Variants in ZMYM6 observed in about 807,000 individuals in gnomAD.
ZMYM6 encodes zinc finger MYM-type containing 6.
Under a neutral mutation model 134.0 loss-of-function variants are expected in ZMYM6, and 90 were observed. The observed-to-expected ratio is 0.67, with a 90% CI of 0.57 to 0.80. The LOEUF is 0.80. Ranked by LOEUF, ZMYM6 falls within the 30% of genes least tolerant of loss-of-function variation. The probability of loss-of-function intolerance (pLI) is 0.00; values close to 1 mark genes in which losing one functional copy is unlikely to be tolerated. For synonymous variants in ZMYM6, 481 were observed against 524.1 expected (o/e 0.92, Z 1.12); for missense variants, 1,362 against 1,533.9 (o/e 0.89, Z 1.87).
At chr1:35,028,381 T>G (rs1489901934) in intron 2 of ZMYM6, among the ~76,000 whole-genome samples, 2 of 152,148 alleles carry the variant, frequency 1.3e-5, no homozygotes, top group Non-Finnish European at 2.9e-5. Context: ...TTTTTTATTA[T>G]TTTAAAATAT....
chr1:34,987,896 C>T lies in ZMYM6; in HGVS notation c.3186G>A (p.Val1062=). The change falls in exon 16 of 16, where the codon GTG becomes GTA. Residue 1062 remains valine (V), a synonymous_variant. Transcript: ENST00000357182. ...GTACTTCAGCATGAAGCGGTAAACT[C>T]ACATGCTCAGATCCCATCTCTTCAC... is the stretch of plus-strand genomic sequence containing the variant. ...ILCEEMGSEH[V]SLPLHAEVRW... The T allele has an allele frequency of 1.9e-6, 3 of 1,551,676 alleles. No homozygotes were observed. Among genetic ancestry groups the T allele is most frequent in the Non-Finnish European group, 2.6e-6 (3 of 1,146,974 alleles).
Position 34,988,263 on chromosome 1 carries a change from T to A in ZMYM6, c.2819A>T (p.Glu940Val). The change falls in exon 16 of 16, where the codon GAA becomes GTA. Residue 940 changes from glutamate to valine, a missense_variant. Around this residue, in one of 3 missense-constraint regions of ZMYM6, gnomAD observed 824 missense variants for 940.9 expected, o/e 0.88. Coordinates refer to ENST00000357182, the MANE Select transcript of ZMYM6 (RefSeq NM_007167.4). ...FIDYDCRDVK[E>V]ELLFCIEMPT... is the part of the protein sequence containing the mutation. Reference sequence around the variant, plus strand: ...CATTTCAATGCAAAATAATAATTCTTCTTTTACATCACGACAATCATAATC... The same window carrying A: ...CATTTCAATGCAAAATAATAATTCTACTTTTACATCACGACAATCATAATC... 3.2e-6 allele frequency: 5 copies of A among 1,550,484 alleles called. No homozygotes were observed. Among genetic ancestry groups the A allele is most frequent in the Non-Finnish European group, 4.4e-6 (5 of 1,146,286 alleles).
At chr1:35,020,556 C>A in intron 2 of ZMYM6, 89 bp from the exon 3 acceptor site, 1 of 794,978 alleles carries the variant, frequency 1.3e-6, no homozygotes, top group East Asian at 3.8e-5. Flanking sequence ...ATTATTCTAT[C>A]CTATTCATCT....
Position 35,012,559 on chromosome 1 carries a change from T to C in ZMYM6, c.818A>G (p.Tyr273Cys). The change falls in exon 7 of 16, where the codon TAT becomes TGT. Residue 273 changes from tyrosine to cysteine, a missense_variant. By Grantham distance (194) the Tyr-to-Cys change is radical. Around this residue, in one of 3 missense-constraint regions of ZMYM6, gnomAD observed 503 missense variants for 520.8 expected, o/e 0.97. Transcript: ENST00000357182. ...GGGCCTCAATGACTTCCCCAGGGCA[T>C]ATGGAGGAATTTGGGCAGAATTCTA... ...YKQNSAQIPP[Y>C]ALGKSLRPSA... The C allele has an allele frequency of 6.2e-7, 1 of 1,613,490 alleles. No homozygotes were observed. The highest frequency in any genetic ancestry group is 8.5e-7 in the Non-Finnish European group (1 of 1,179,776).
chr1:34,987,133 T>C lies in ZMYM6; in HGVS notation c.3949A>G (p.Ile1317Val). The C allele has an allele frequency of 6.4e-7, 1 of 1,571,484 alleles. No individual in the cohort carries two copies. The highest frequency in any genetic ancestry group is 8.6e-7 in the Non-Finnish European group (1 of 1,161,652). The change falls in exon 16 of 16, where the codon ATA (isoleucine) becomes GTA (valine). Residue 1317 changes from isoleucine to valine, a missense_variant. Coordinates refer to ENST00000357182, the MANE Select transcript of ZMYM6 (RefSeq NM_007167.4). ...RLAVTSLIPR[I>V]EKLVKEKE ...TCTTTCTCCTTCACTAATTTTTCTA[T>C]CCTTGGAATTAAAGATGTGACTGCA...
In ZMYM6 at chr1:35,010,944, T is replaced by C. The variant is rs1354093023; in HGVS notation, c.1155A>G (p.Ala385=). The change falls in exon 9 of 16, where the codon GCA becomes GCG. Residue 385 remains alanine, a synonymous_variant. Coordinates refer to ENST00000357182, the MANE Select transcript of ZMYM6 (RefSeq NM_007167.4). The part of the protein sequence containing the change: ...VVVSPPSSRS[A]VSIGGGNTSA... Reference sequence around the variant, plus strand: ...AGGTGTTACCTCCTCCTATTGACACTGCTGACCTGGAGGAGGGCGGGCTTA... The same window carrying C: ...AGGTGTTACCTCCTCCTATTGACACCGCTGACCTGGAGGAGGGCGGGCTTA... 6.2e-7 allele frequency: 1 copy of C among 1,612,988 alleles called. No individual in the cohort carries two copies.
Position 35,031,908 on chromosome 1 carries a change from C to G in ZMYM6, c.-168G>C, listed in dbSNP as rs1319837345. 3.9e-5 allele frequency: 6 copies of G among 152,436 alleles called. No individual in the cohort carries two copies. Among genetic ancestry groups the G allele is most frequent in the African/African-American group, 1.4e-4 (6 of 41,456 alleles). 9.4% of individuals were successfully genotyped at this position (152,436 alleles called of 1,614,324 possible). A position where few individuals can be genotyped will look rare whatever the true frequency, so the allele number is the denominator to read the frequency against. ...ATTATTTTCTCTTCTGGAATTCCGCCTGATCCATCCCAACGCAACGACCGG... is the reference window on the plus strand; with the variant it reads ...ATTATTTTCTCTTCTGGAATTCCGCGTGATCCATCCCAACGCAACGACCGG... On this transcript the variant is annotated 5_prime_UTR_variant, in exon 1 of 16. Coordinates refer to ENST00000357182, the MANE Select transcript of ZMYM6 (RefSeq NM_007167.4).
intron 2 of ZMYM6, among the ~76,000 whole-genome samples, chr1:35,027,360 T>C (rs1005019532): frequency 6.6e-6 from 1 of 152,174 alleles, no homozygotes; most frequent in African/African-American, 2.4e-5. Context: ...ACTCGATCTA[T>C]ACAGTACAAT....
chr1:34,996,576 G>T (rs1463861090), intron 14 of ZMYM6, among the ~76,000 whole-genome samples: 3 of 151,996 alleles, frequency 2.0e-5, no homozygotes, highest in Non-Finnish European at 4.4e-5. Flanking sequence ...GTGTGTGTGT[G>T]TATGTGTGTG....
At chr1:35,015,743 A>AATATATAT (rs35800399) in intron 4 of ZMYM6, among the ~76,000 whole-genome samples, 32 of 106,440 alleles carry the variant, frequency 3.0e-4, no homozygotes, top group African/African-American at 1.9e-3. Flanking sequence ...AAAAAAAAAA[A>AATATATAT]ATATATATAT....
At chr1:35,004,835 C>A (rs61123624) in intron 13 of ZMYM6, among the ~76,000 whole-genome samples, 36,256 of 151,828 alleles carry the variant, frequency 0.24, 10,557 homozygotes, top group African/African-American at 0.69. Flanking sequence ...AGGCAGGTGG[C>A]TCACCTGAGG....
chr1:35,030,684 A>C lies in ZMYM6; in HGVS notation c.-45T>G, dbSNP rs548419407. 4 of 1,567,914 alleles carry C rather than the reference A, an allele frequency of 2.6e-6. No individual in the cohort carries two copies. Among genetic ancestry groups the C allele is most frequent in the Middle Eastern group, 1.7e-4 (1 of 5,968 alleles). On this transcript the variant is annotated 5_prime_UTR_variant, in exon 2 of 16. Coordinates refer to ENST00000357182, the MANE Select transcript of ZMYM6 (RefSeq NM_007167.4). The stretch of plus-strand genomic sequence containing the variant: ...GAGTGTCTCAGGCTCAAACGAATAG[A>C]TTTCTTCTTGGTAATGGATAGTTGG...
At chr1:34,998,967 T>C (rs1361666616) in intron 14 of ZMYM6, among the ~76,000 whole-genome samples, 2 of 152,140 alleles carry the variant, frequency 1.3e-5, no homozygotes, top group East Asian at 3.9e-4. Flanking sequence ...ACTAAAAATG[T>C]ACAAAGTTAG....
chr1:35,007,052 G>C lies in ZMYM6; in HGVS notation c.1712C>G (p.Ser571Cys). Residue 571 changes from serine to cysteine, a missense_variant, in exon 12 of 16, where the codon TCC becomes TGC. Ser to Cys is a moderately radical substitution (Grantham distance 112). This residue lies in a region of ZMYM6 where 824 missense variants were observed against 940.9 expected (regional missense o/e 0.88). Coordinates refer to ENST00000357182, the MANE Select transcript of ZMYM6 (RefSeq NM_007167.4). ...TTTAATGTTGCCTCGCCACTTTATG[G>C]ACTCGCTTAGTTTACCCTGTCGTTT... ...GCKRQGKLSE[S>C]IKWRGNIKHF... 6 of 1,611,036 alleles carry C rather than the reference G, an allele frequency of 3.7e-6. No homozygotes were observed. Among genetic ancestry groups the C allele is most frequent in the Non-Finnish European group, 5.1e-6 (6 of 1,178,598 alleles).
intron 4 of ZMYM6, chr1:35,018,831 A>T (rs1641251949): frequency 6.4e-6 from 1 of 157,070 alleles, no homozygotes; most frequent in South Asian, 1.9e-4. Flanking sequence ...AAATGTACTA[A>T]GTCAGGGAAA....
rs766110768 is a variant in ZMYM6, at chr1:34,988,063, A to G, written c.3019T>C (p.Phe1007Leu). ...TCACGGTGAATAAAACAATGTGTAAATGCCGCTGTATTCATGGCAACTTCT... is the reference window on the plus strand; with the variant it reads ...TCACGGTGAATAAAACAATGTGTAAGTGCCGCTGTATTCATGGCAACTTCT... ...IQEVAMNTAA[F>L]THCFIHRERL... Residue 1007 changes from phenylalanine to leucine, a missense_variant, in exon 16 of 16, where the codon TTT becomes CTT. By Grantham distance (22) the Phe-to-Leu change is conservative. Coordinates refer to ENST00000357182, the MANE Select transcript of ZMYM6 (RefSeq NM_007167.4). 16 of 1,551,436 alleles carry G rather than the reference A, an allele frequency of 1.0e-5. No individual in the cohort carries two copies. The highest frequency in any genetic ancestry group is 2.7e-5 in the African/African-American group (2 of 73,048).
intron 2 of ZMYM6, 134 bp downstream of exon 2, chr1:35,030,413 C>T (rs1480174405): frequency 3.8e-6 from 3 of 784,302 alleles, no homozygotes; most frequent in Admixed American, 2.8e-5. Flanking sequence ...ACACCCTCAG[C>T]GACAGCGAGA....
In ZMYM6 at chr1:35,020,398, T is replaced by G. The variant is rs560588458; in HGVS notation, c.163A>C (p.Asn55His). The G allele has an allele frequency of 1.9e-5, 31 of 1,612,764 alleles. No individual in the cohort carries two copies. In the South Asian group the frequency reaches 3.0e-4, roughly 15 times the overall value. ...CATTTCTTACCAATAGGTCTCTCAT[T>G]AACTGAAGACACACCACCAATTTTC... ...KLKIGGVSSV[N>H]ERPIAQQLNP... Residue 55 changes from asparagine (N) to histidine (H), a missense_variant, in exon 3 of 16, where the codon AAT becomes CAT. Physicochemically the swap from Asn to His is moderately conservative, Grantham distance 68. Around this residue, in one of 3 missense-constraint regions of ZMYM6, gnomAD observed 503 missense variants for 520.8 expected, o/e 0.97. Coordinates refer to ENST00000357182, the MANE Select transcript of ZMYM6 (RefSeq NM_007167.4).
chr1:35,014,732 C>T lies in ZMYM6; in HGVS notation c.760G>A (p.Val254Ile), dbSNP rs976005145. 1.2e-6 allele frequency: 2 copies of T among 1,614,040 alleles called. No homozygotes were observed. The highest frequency in any genetic ancestry group is 1.7e-6 in the Non-Finnish European group (2 of 1,179,984). ...SSSGPCQSQK[V>I]FSSTSVTAYK... is the part of the protein sequence containing the mutation. ...GCCGTGACACTTGTTGAACTAAAAA[C>T]CTTCTGGGATTGGCAAGGACCAGAG... The change falls in exon 6 of 16, where the codon GTT becomes ATT. Residue 254 changes from valine (V) to isoleucine (I), a missense_variant. Physicochemically the swap from Val to Ile is conservative, Grantham distance 29 (BLOSUM62 3). Coordinates refer to ENST00000357182, the MANE Select transcript of ZMYM6 (RefSeq NM_007167.4).
Sources: allele counts gnomAD v4.1 joint callset (sites outside exome capture counted in the v4.1 genomes callset), GRCh38; gene constraint gnomAD v4.1.1; regional missense constraint gnomAD v4.1.1; transcripts MANE v1.5; gene names NCBI Gene and HGNC (gene_info 2026-07-23, HGNC 2026-07-21).